RBFOX1: variants seen among roughly 807,000 people sequenced by gnomAD.
The protein encoded by RBFOX1 is RNA binding protein fox-1 homolog 1.
In RBFOX1, 8 loss-of-function variants were observed where a neutral mutation model predicts 57.7. That is an observed-to-expected ratio of 0.14 (90% confidence interval 0.08 to 0.25). The LOEUF (loss-of-function observed/expected upper bound fraction) is 0.25, where lower values mean the gene tolerates loss of function less well. Among genes scored for constraint, RBFOX1 ranks in the 10% least tolerant of loss-of-function variants. RBFOX1 has a pLI of 1.00. For synonymous variants in RBFOX1, 326 were observed against 222.4 expected, an observed-to-expected ratio of 1.47 and a Z score of -4.15; for missense variants, 611 against 548.5, an observed-to-expected ratio of 1.11 and a Z score of -1.14.
At chr16:6,263,576 C>T (rs1372840174) in intron 1 of RBFOX1, among the ~76,000 whole-genome samples, 1 of 152,230 alleles carries the variant, frequency 6.6e-6, no homozygotes, top group East Asian at 1.9e-4. Context: ...ATCTTGTGCC[C>T]AATTCAACAA....
At chr16:5,807,896 T>C (rs751339019) in intron 3 of RBFOX1, among the ~76,000 whole-genome samples, 31 of 152,210 alleles carry the variant, frequency 2.0e-4, no homozygotes, top group Non-Finnish European at 3.8e-4. Flanking sequence ...CTGGACACTT[T>C]CCAGAACCAC....
chr16:7,689,982 G>A (rs746751176), intron 14 of RBFOX1, among the ~76,000 whole-genome samples: 2 of 152,064 alleles, frequency 1.3e-5, no homozygotes, highest in African/African-American at 2.4e-5. Context: ...AAGCATGGTG[G>A]CCAAACAGAA....
chr16:6,872,803 G>A (rs202145899), intron 3 of RBFOX1, among the ~76,000 whole-genome samples: 6 of 152,144 alleles, frequency 3.9e-5, no homozygotes, highest in African/African-American at 7.2e-5. Flanking sequence ...TGATGCCTTC[G>A]AACAAAATGG....
At chr16:7,537,358 A>G (rs1286823562) in intron 5 of RBFOX1, among the ~76,000 whole-genome samples, 1 of 152,192 alleles carries the variant, frequency 6.6e-6, no homozygotes, top group Non-Finnish European at 1.5e-5. Context: ...GTCCCTTGTA[A>G]TTTAATTCTG....
At chr16:5,883,989 T>A (rs1293327850) in intron 4 of RBFOX1, among the ~76,000 whole-genome samples, 1 of 152,204 alleles carries the variant, frequency 6.6e-6, no homozygotes, top group East Asian at 1.9e-4. Flanking sequence ...TGAGATCCCA[T>A]TGACTTGGAT....
At chr16:7,453,864 C>T (rs897631079) in intron 4 of RBFOX1, among the ~76,000 whole-genome samples, 2 of 152,182 alleles carry the variant, frequency 1.3e-5, no homozygotes, top group African/African-American at 4.8e-5. Flanking sequence ...TAAACAGAGT[C>T]TTCACCAAAG....
intron 3 of RBFOX1, among the ~76,000 whole-genome samples, chr16:6,894,395 C>G (rs937951680): frequency 1.5e-4 from 23 of 152,266 alleles, no homozygotes; most frequent in East Asian, 7.7e-4. Flanking sequence ...CTCTTTTGTT[C>G]CATTCAGCCC....
At chr16:6,515,936 C>CT (rs2096368534) in intron 2 of RBFOX1, among the ~76,000 whole-genome samples, 1 of 152,174 alleles carries the variant, frequency 6.6e-6, no homozygotes, top group Non-Finnish European at 1.5e-5. Flanking sequence ...TCTGTGAAAC[C>CT]TGTATTTTTT....
intron 1 of RBFOX1, among the ~76,000 whole-genome samples, chr16:5,384,244 T>A (rs2066201884): frequency 6.6e-6 from 1 of 152,074 alleles, no homozygotes; most frequent in African/African-American, 2.4e-5. Context: ...GTCATCTCAC[T>A]CCCTACCTGG....
At chr16:6,143,333 C>T (rs2096733227) in intron 1 of RBFOX1, among the ~76,000 whole-genome samples, 1 of 152,094 alleles carries the variant, frequency 6.6e-6, no homozygotes, top group Non-Finnish European at 1.5e-5. Context: ...GGTTTGTGTA[C>T]CAGATGAGAA....
At chr16:5,695,687 C>T (rs956614189) in intron 3 of RBFOX1, among the ~76,000 whole-genome samples, 9 of 152,142 alleles carry the variant, frequency 5.9e-5, no homozygotes, top group African/African-American at 2.2e-4. Context: ...ACCTTTGCAC[C>T]CTTTGACCTA....
intron 4 of RBFOX1, among the ~76,000 whole-genome samples, chr16:6,003,430 C>A (rs1479662469): frequency 6.6e-6 from 1 of 152,154 alleles, no homozygotes; most frequent in Non-Finnish European, 1.5e-5. Flanking sequence ...AACAGTTTCT[C>A]CTCCTGCATT....
chr16:6,968,218 C>G (rs1026228980), intron 3 of RBFOX1, among the ~76,000 whole-genome samples: 1 of 152,208 alleles, frequency 6.6e-6, no homozygotes, highest in African/African-American at 2.4e-5. Flanking sequence ...GACTGACAGG[C>G]TTTTCTCTGG....
chr16:6,621,338 C>T (rs2098227918), intron 2 of RBFOX1, among the ~76,000 whole-genome samples: 1 of 152,138 alleles, frequency 6.6e-6, no homozygotes, highest in Non-Finnish European at 1.5e-5. Context: ...GTGGCAGGCG[C>T]CTGTAGTCCC....
At chr16:6,295,655 T>C (rs2152731249) in intron 1 of RBFOX1, among the ~76,000 whole-genome samples, 2 of 152,302 alleles carry the variant, frequency 1.3e-5, no homozygotes, top group Non-Finnish European at 2.9e-5. Flanking sequence ...ATTTCACACA[T>C]GTCCAATGAC....
At chr16:7,109,854 G>A (rs2064331973) in intron 4 of RBFOX1, among the ~76,000 whole-genome samples, 1 of 152,134 alleles carries the variant, frequency 6.6e-6, no homozygotes, top group Non-Finnish European at 1.5e-5. Context: ...TGAGGTGCTA[G>A]GACCAGGTCA....
intron 3 of RBFOX1, among the ~76,000 whole-genome samples, chr16:6,788,780 C>G (rs1424593867): frequency 1.3e-5 from 2 of 151,966 alleles, no homozygotes; most frequent in Non-Finnish European, 2.9e-5. Context: ...CGGCCCCCCA[C>G]TGATTTTTCT....
chr16:6,980,815 G>A (rs2088573708), intron 3 of RBFOX1, among the ~76,000 whole-genome samples: 1 of 152,096 alleles, frequency 6.6e-6, no homozygotes, highest in Non-Finnish European at 1.5e-5. Context: ...GGCCAAGGCA[G>A]GCGGATCACT....
intron 2 of RBFOX1, among the ~76,000 whole-genome samples, chr16:6,377,891 G>A (rs192546737): frequency 3.6e-4 from 55 of 152,226 alleles, no homozygotes; most frequent in East Asian, 9.7e-4. Flanking sequence ...CAGCTGAGCC[G>A]GGAAAACTCT....
Sources: allele counts gnomAD v4.1 joint callset (sites outside exome capture counted in the v4.1 genomes callset), GRCh38; gene constraint gnomAD v4.1.1; transcripts MANE v1.5; gene names NCBI Gene and HGNC (gene_info 2026-07-23, HGNC 2026-07-21).